The following ACCSL variants were observed in gnomAD, a reference collection of about 807,000 sequenced individuals.
ACCSL encodes probable inactive 1-aminocyclopropane-1-carboxylate synthase-like protein 2.
A neutral mutation model predicts 61.7 loss-of-function variants in ACCSL; 55 were observed. That is an observed-to-expected ratio of 0.89 (90% CI 0.72 to 1.12). ACCSL has a LOEUF of 1.12. Ranked by LOEUF, ACCSL falls within the 50% of genes most tolerant of loss-of-function variation. The pLI is 0.00. For missense variants in ACCSL, 632 were observed against 698.0 expected, an observed-to-expected ratio of 0.91 and a Z score of 1.07; for synonymous variants, 258 against 264.3, an observed-to-expected ratio of 0.98 and a Z score of 0.23.
chr11:43,973,682 G>C, the ACCSL span, among the ~76,000 whole-genome samples: 1 of 152,170 alleles, frequency 6.6e-6, no homozygotes, highest in Non-Finnish European at 1.5e-5. Flanking sequence ...AAAGGTGGAA[G>C]AGCATAAGAT....
chr11:43,928,064 G>A, the ACCSL span, among the ~76,000 whole-genome samples: 481 of 152,346 alleles, frequency 3.2e-3, 4 homozygotes, highest in African/African-American at 0.011. Flanking sequence ...CCTGTTGGAG[G>A]AGGCACTTGG....
chr11:44,010,931 G>A, the ACCSL span, among the ~76,000 whole-genome samples: 1 of 152,164 alleles, frequency 6.6e-6, no homozygotes, highest in South Asian at 2.1e-4. Flanking sequence ...GTCAGTGAGG[G>A]TGACTCAAGT....
chr11:43,956,711 A>ACG, the ACCSL span, among the ~76,000 whole-genome samples: 3 of 152,108 alleles, frequency 2.0e-5, no homozygotes, highest in Non-Finnish European at 4.4e-5. Flanking sequence ...GAGCCACTGC[A>ACG]CCCAGCCTAC....
the ACCSL span, among the ~76,000 whole-genome samples, chr11:43,968,829 G>A: frequency 2.0e-5 from 3 of 152,122 alleles, no homozygotes; most frequent in African/African-American, 7.2e-5. Flanking sequence ...CAGGAAGTAG[G>A]ATGGGGTCAC....
At chr11:43,985,499 A>T in the ACCSL span, among the ~76,000 whole-genome samples, 1 of 152,150 alleles carries the variant, frequency 6.6e-6, no homozygotes, top group Non-Finnish European at 1.5e-5. Context: ...GCTTCTGCCC[A>T]TTCAGTTGTT....
At chr11:43,958,857 C>A in the ACCSL span, among the ~76,000 whole-genome samples, 7 of 152,260 alleles carry the variant, frequency 4.6e-5, no homozygotes, top group African/African-American at 1.7e-4. Flanking sequence ...CCTTGGCCAA[C>A]AGGGGGTCAA....
the ACCSL span, among the ~76,000 whole-genome samples, chr11:43,930,415 G>A: frequency 6.6e-6 from 1 of 152,188 alleles, no homozygotes; most frequent in Non-Finnish European, 1.5e-5. Flanking sequence ...CTGGTGGGAG[G>A]TGTTTGGATC....
the ACCSL span, among the ~76,000 whole-genome samples, chr11:43,960,595 G>C: frequency 6.6e-6 from 1 of 152,070 alleles, no homozygotes; most frequent in South Asian, 2.1e-4. Context: ...ATGTTGGCCA[G>C]GCTGGTCTCG....
the ACCSL span, among the ~76,000 whole-genome samples, chr11:44,029,002 C>T: frequency 6.6e-6 from 1 of 152,234 alleles, no homozygotes; most frequent in Non-Finnish European, 1.5e-5. Context: ...CCAACCACTT[C>T]TCACTCCCGG....
chr11:43,922,018 C>A, the ACCSL span, among the ~76,000 whole-genome samples: 1 of 152,184 alleles, frequency 6.6e-6, no homozygotes, highest in Admixed American at 6.5e-5. Flanking sequence ...CTTTGTTTTG[C>A]TGGTGCTAGA....
chr11:43,972,709 G>A, the ACCSL span, among the ~76,000 whole-genome samples: 7 of 152,176 alleles, frequency 4.6e-5, no homozygotes, highest in Non-Finnish European at 8.8e-5. Context: ...GAGTTTCTGC[G>A]TTATGTTTAC....
chr11:43,932,850 C>T, the ACCSL span, among the ~76,000 whole-genome samples: 1 of 152,232 alleles, frequency 6.6e-6, no homozygotes, highest in Non-Finnish European at 1.5e-5. Flanking sequence ...GAAGCGGTTC[C>T]TTCCAGGGCT....
chr11:43,997,382 G>A, the ACCSL span, among the ~76,000 whole-genome samples: 1 of 152,058 alleles, frequency 6.6e-6, no homozygotes, highest in Non-Finnish European at 1.5e-5. Flanking sequence ...GCGATCCTCT[G>A]GGGCTTCTGC....
At chr11:44,050,435 T>C (rs1433834604) in intron 2 of ACCSL, 117 bp from the exon 3 acceptor site, 1 of 858,420 alleles carries the variant, frequency 1.2e-6, no homozygotes, top group Non-Finnish European at 1.9e-6. Flanking sequence ...TATATACCCA[T>C]TCCCTTTCTA....
chr11:43,977,354 T>C, the ACCSL span, among the ~76,000 whole-genome samples: 1 of 152,250 alleles, frequency 6.6e-6, no homozygotes, highest in Non-Finnish European at 1.5e-5. Flanking sequence ...GTGTCCAATG[T>C]AGTCACAAGG....
chr11:44,048,922 G>T (rs1211186578), intron 1 of ACCSL, among the ~76,000 whole-genome samples: 1 of 152,174 alleles, frequency 6.6e-6, no homozygotes, highest in Non-Finnish European at 1.5e-5. Context: ...CAGGTGGTCT[G>T]GGAAGAGGTC....
the ACCSL span, among the ~76,000 whole-genome samples, chr11:43,946,831 G>A: frequency 0.047 from 7,221 of 152,174 alleles, 217 homozygotes; most frequent in Admixed American, 0.094. Context: ...CAGAGGGAGG[G>A]AGTTTGGGAT....
the ACCSL span, among the ~76,000 whole-genome samples, chr11:43,959,401 G>A: frequency 2.0e-5 from 3 of 152,228 alleles, no homozygotes; most frequent in Non-Finnish European, 2.9e-5. Flanking sequence ...TGCTAGCTGC[G>A]AGAGAAATTA....
At chr11:43,923,953 C>T in the ACCSL span, among the ~76,000 whole-genome samples, 31 of 152,206 alleles carry the variant, frequency 2.0e-4, no homozygotes, top group South Asian at 4.1e-4. Context: ...GCAGTGATGT[C>T]ACGCTCTCTC....
Sources: allele counts gnomAD v4.1 joint callset (sites outside exome capture counted in the v4.1 genomes callset), GRCh38; gene constraint gnomAD v4.1.1; transcripts MANE v1.5; gene names NCBI Gene and HGNC (gene_info 2026-07-23, HGNC 2026-07-21).